Variants in HPCAL1 observed in about 807,000 individuals in gnomAD.
HPCAL1 encodes the protein hippocalcin-like protein 1.
HPCAL1 carries 8 observed loss-of-function variants against 17.1 expected under a neutral mutation model. The ratio of observed to expected loss-of-function variants is 0.47; its 90% CI spans 0.27 to 0.84. The LOEUF is 0.84. Ranked by LOEUF, HPCAL1 falls within the 40% of genes least tolerant of loss-of-function variation. The probability of loss-of-function intolerance (pLI) is 0.13; values close to 1 mark genes in which losing one functional copy is unlikely to be tolerated. For missense variants in HPCAL1, 165 were observed against 271.1 expected, an observed-to-expected ratio of 0.61 and a Z score of 2.75; for synonymous variants, 112 against 111.4, an observed-to-expected ratio of 1.01 and a Z score of -0.03.
At position 10,365,276 on chromosome 2, in the gene HPCAL1, A is replaced by G. The variant is rs1040061609; in HGVS notation, c.-110-31559A>G. On this transcript the variant is annotated intron_variant, in intron 1 of 4. Transcript: ENST00000307845. This position sits in a 1 kb window ranked among gnomAD's most constrained non-coding sequence, Gnocchi z 4.8. ...GCATTCCAGGACAGCTGGGATCTTGATCATCCAGTGGGTGCCCTCACTGTG... is the reference window on the plus strand; with the variant it reads ...GCATTCCAGGACAGCTGGGATCTTGGTCATCCAGTGGGTGCCCTCACTGTG... Among the ~76,000 whole-genome samples the G allele has an allele frequency of 6.6e-6, 1 of 152,148 alleles. No homozygotes were observed. The highest frequency in any genetic ancestry group is 1.5e-5 in the Non-Finnish European group (1 of 68,016).
chr2:10,403,442 CAA>C (rs1331447148), intron 2 of HPCAL1, among the ~76,000 whole-genome samples: 2 of 148,374 alleles, frequency 1.3e-5, no homozygotes, highest in South Asian at 2.1e-4. Flanking sequence ...GCCCTCATAA[CAA>C]AGAGTTCTTT....
chr2:10,337,137 G>A (rs1664772930), intron 1 of HPCAL1, among the ~76,000 whole-genome samples: 1 of 152,094 alleles, frequency 6.6e-6, no homozygotes, highest in Admixed American at 6.5e-5. Flanking sequence ...TGCATTGGCT[G>A]AAGCAAACCC....
chr2:10,305,227 A>C (rs1348113160), intron 1 of HPCAL1, among the ~76,000 whole-genome samples: 2 of 151,656 alleles, frequency 1.3e-5, no homozygotes, highest in Non-Finnish European at 2.9e-5. Context: ...TTCCATAATA[A>C]TATTAAAAAA....
At chr2:10,309,055 G>A (rs1445087788) in intron 1 of HPCAL1, among the ~76,000 whole-genome samples, 1 of 151,006 alleles carries the variant, frequency 6.6e-6, no homozygotes, top group Non-Finnish European at 1.5e-5. Context: ...TTTTTTTTGA[G>A]ATAGGGTCTT....
chr2:10,375,818 A>C (rs1667520683), intron 1 of HPCAL1, among the ~76,000 whole-genome samples: 1 of 152,200 alleles, frequency 6.6e-6, no homozygotes, highest in African/African-American at 2.4e-5. Flanking sequence ...GGCCCGAAGG[A>C]ATCGATTGAC....
intron 1 of HPCAL1, among the ~76,000 whole-genome samples, chr2:10,383,498 G>A (rs977836958): frequency 1.3e-5 from 2 of 152,068 alleles, no homozygotes; most frequent in African/African-American, 2.4e-5. Context: ...AAGTAGCTGC[G>A]ATTACAGGCA....
chr2:10,353,070 G>C (rs1665926238), intron 1 of HPCAL1, among the ~76,000 whole-genome samples: 1 of 152,200 alleles, frequency 6.6e-6, no homozygotes, highest in Admixed American at 6.5e-5. Context: ...TGAATCCCCA[G>C]TGTCCTAAGC....
chr2:10,344,695 C>G lies in HPCAL1; in HGVS notation c.-111+41518C>G, dbSNP rs770176185. 6.6e-6 allele frequency among the ~76,000 whole-genome samples: 1 copy of G among 152,200 alleles called. No homozygotes were observed. Among genetic ancestry groups the G allele is most frequent in the African/African-American group, 2.4e-5 (1 of 41,458 alleles). ...CCTTCCCTTCCTCCCAGGACTTGCT[C>G]TGTCTCTGTCTCTTTCTCTGTGTCT... On this transcript the variant is annotated intron_variant, in intron 1 of 4. Coordinates refer to ENST00000307845, the MANE Select transcript of HPCAL1 (RefSeq NM_002149.4). The surrounding 1 kb of genome is among the most constrained non-coding windows in gnomAD (Gnocchi z 4.9).
Position 10,348,600 on chromosome 2 carries a change from CAAAAAA to C in HPCAL1, c.-111+45431_-111+45436del, listed in dbSNP as rs56194796. On this transcript the variant is annotated intron_variant, in intron 1 of 4. Coordinates refer to ENST00000307845, the MANE Select transcript of HPCAL1 (RefSeq NM_002149.4). The stretch of plus-strand genomic sequence containing the variant: ...GTAGCATAGCAAGATCCTGTCTCTA[CAAAAAA>C]AAAAAAATATATATATATATAAATT... 4.5e-3 allele frequency among the ~76,000 whole-genome samples: 650 copies of C among 144,374 alleles called. 8 individuals are homozygous for C. Among genetic ancestry groups the C allele is most frequent in the African/African-American group, 0.013 (516 of 38,712 alleles). 94.7% of individuals were successfully genotyped at this position (144,374 alleles called of 152,430 possible). A position where few individuals can be genotyped will look rare whatever the true frequency, so the allele number is the denominator to read the frequency against.
chr2:10,346,404 G>A (rs183702998), intron 1 of HPCAL1, among the ~76,000 whole-genome samples: 146 of 152,308 alleles, frequency 9.6e-4, no homozygotes, highest in Non-Finnish European at 1.4e-3. Flanking sequence ...TGGAGTCTTG[G>A]GGGAGGTGCT....
At chr2:10,401,987 G>A (rs553336578) in intron 2 of HPCAL1, among the ~76,000 whole-genome samples, 4 of 151,598 alleles carry the variant, frequency 2.6e-5, no homozygotes, top group Non-Finnish European at 4.4e-5. Flanking sequence ...TGCAAGCTCC[G>A]CCTCCTGGGT....
chr2:10,408,795 A>C (rs1670138941), intron 2 of HPCAL1: 2 of 152,208 alleles, frequency 1.3e-5, no homozygotes, highest in Admixed American at 1.3e-4. Flanking sequence ...GTGAATAAAT[A>C]AAGGATACCA....
At chr2:10,414,527 G>C (rs908471922) in intron 2 of HPCAL1, among the ~76,000 whole-genome samples, 5 of 152,184 alleles carry the variant, frequency 3.3e-5, no homozygotes, top group Non-Finnish European at 7.3e-5. Context: ...AAGGACACCA[G>C]TCATATTGGA....
At chr2:10,351,561 C>A (rs990007195) in intron 1 of HPCAL1, among the ~76,000 whole-genome samples, 2 of 152,106 alleles carry the variant, frequency 1.3e-5, no homozygotes, top group Non-Finnish European at 2.9e-5. Context: ...AGTTCCAGAT[C>A]AGCCTGGGCA....
At chr2:10,329,188 T>G (rs1314917919) in intron 1 of HPCAL1, among the ~76,000 whole-genome samples, 9 of 152,154 alleles carry the variant, frequency 5.9e-5, no homozygotes, top group Non-Finnish European at 4.4e-5. Context: ...TCATTGAATC[T>G]TTCCTGAACA....
At chr2:10,320,649 G>T (rs1400936924) in intron 1 of HPCAL1, among the ~76,000 whole-genome samples, 2 of 152,228 alleles carry the variant, frequency 1.3e-5, no homozygotes, top group African/African-American at 4.8e-5. Flanking sequence ...CTCTGTTTAA[G>T]CAGAGACCGG....
chr2:10,328,461 C>T (rs1219002470), intron 1 of HPCAL1, among the ~76,000 whole-genome samples: 1 of 152,328 alleles, frequency 6.6e-6, no homozygotes, highest in South Asian at 2.1e-4. Flanking sequence ...AAGAGACTGG[C>T]ACACTGAGTA....
At chr2:10,409,988 C>T (rs1323469427) in intron 2 of HPCAL1, among the ~76,000 whole-genome samples, 1 of 151,982 alleles carries the variant, frequency 6.6e-6, no homozygotes, top group Non-Finnish European at 1.5e-5. Context: ...GACGGTTTCA[C>T]CATGTTGCTC....
chr2:10,320,220 C>T (rs1202452801), intron 1 of HPCAL1, among the ~76,000 whole-genome samples: 2 of 152,150 alleles, frequency 1.3e-5, no homozygotes. Context: ...CTTATCTTTC[C>T]ACTTGGTTAG....
Sources: allele counts gnomAD v4.1 joint callset (sites outside exome capture counted in the v4.1 genomes callset), GRCh38; gene constraint gnomAD v4.1.1; non-coding constraint Gnocchi (gnomAD v3.1); transcripts MANE v1.5; gene names NCBI Gene and HGNC (gene_info 2026-07-23, HGNC 2026-07-21).